C1orf21: variants seen among roughly 807,000 people sequenced by gnomAD.
C1orf21 encodes chromosome 1 open reading frame 21.
A neutral mutation model predicts 18.7 loss-of-function variants in C1orf21; 3 were observed. The ratio of observed to expected loss-of-function variants is 0.16; its 90% CI spans 0.07 to 0.42. The LOEUF (loss-of-function observed/expected upper bound fraction) is 0.42. C1orf21 is among the 10% of genes least tolerant of loss of function. The pLI, the probability that C1orf21 is intolerant of heterozygous loss-of-function variation, is 0.99. For synonymous variants in C1orf21, 41 were observed against 46.4 expected, an observed-to-expected ratio of 0.88 and a Z score of 0.47; for missense variants, 104 against 143.6, an observed-to-expected ratio of 0.72 and a Z score of 1.41.
rs530566686 is a variant in C1orf21 at position 184,617,148 on chromosome 1, A to T, written c.328-2370A>T. ...TTATTGACTACTTGCCAGACACTAT[A>T]TTTTTTTCCATTTAATCCTGACCAT... On this transcript the variant is annotated intron_variant, in intron 5 of 5. Transcript: ENST00000235307. 2.6e-5 allele frequency among the ~76,000 whole-genome samples: 4 copies of T among 152,208 alleles called. No individual in the cohort carries two copies. The South Asian group carries it at 8.3e-4, about 32-fold the overall frequency.
chr1:184,478,401 ATT>A (rs539994999), intron 2 of C1orf21, among the ~76,000 whole-genome samples: 2 of 151,904 alleles, frequency 1.3e-5, no homozygotes, highest in Non-Finnish European at 2.9e-5. Flanking sequence ...CTGCAAATAC[ATT>A]TTTTTTGCCC....
In C1orf21 at chr1:184,624,346, CT is replaced by C. The variant is rs2102016715; in HGVS notation, c.*4793del. On this transcript the variant is annotated 3_prime_UTR_variant, in exon 6 of 6. Transcript: ENST00000235307. ...GGACTTCAGTGCCCTGAGGAAAAGGCTTTGGGAATTTAGGCACACGTTTCTC... is the reference window on the plus strand; with the variant it reads ...GGACTTCAGTGCCCTGAGGAAAAGGCTTGGGAATTTAGGCACACGTTTCTC... 1 of 152,652 alleles carries C rather than the reference CT, an allele frequency of 6.6e-6. No individual in the cohort carries two copies. Among genetic ancestry groups the C allele is most frequent in the South Asian group, 2.1e-4 (1 of 4,816 alleles). The allele number at this position is 152,652 out of a possible 1,614,324, so 9.5% of individuals were successfully genotyped here.
chr1:184,410,800 C>T (rs938659447), intron 1 of C1orf21, among the ~76,000 whole-genome samples: 3 of 113,504 alleles, frequency 2.6e-5, no homozygotes, highest in Admixed American at 8.2e-5. Context: ...TCCTTACAGG[C>T]GCCTCCATGC....
intron 1 of C1orf21, among the ~76,000 whole-genome samples, chr1:184,464,019 G>C (rs963916866): frequency 6.6e-6 from 1 of 152,210 alleles, no homozygotes; most frequent in Non-Finnish European, 1.5e-5. Flanking sequence ...CAGAGAACAG[G>C]AAAGTACATA....
chr1:184,449,215 A>G (rs1657081345), intron 1 of C1orf21, among the ~76,000 whole-genome samples: 1 of 146,914 alleles, frequency 6.8e-6, no homozygotes, highest in Non-Finnish European at 1.5e-5. Flanking sequence ...CCACCCTACA[A>G]CAGGCCCCGG....
intron 3 of C1orf21, among the ~76,000 whole-genome samples, chr1:184,537,614 A>G (rs1353750638): frequency 2.6e-5 from 4 of 152,130 alleles, no homozygotes; most frequent in Non-Finnish European, 4.4e-5. Context: ...ACATGGGTGT[A>G]CAAGTATCTC....
intron 1 of C1orf21, among the ~76,000 whole-genome samples, chr1:184,399,704 C>G (rs1413367508): frequency 6.6e-6 from 1 of 152,128 alleles, no homozygotes. Context: ...CATGCCTTCT[C>G]GTTTCTTCTT....
chr1:184,409,189 TTAC>T (rs1233107447), intron 1 of C1orf21, among the ~76,000 whole-genome samples: 7 of 152,230 alleles, frequency 4.6e-5, no homozygotes, highest in African/African-American at 1.7e-4. Context: ...GGGTGGGATC[TTAC>T]TGTAGTTTCT....
intron 1 of C1orf21, among the ~76,000 whole-genome samples, chr1:184,435,066 T>C (rs1052191798): frequency 6.6e-6 from 1 of 152,078 alleles, no homozygotes; most frequent in Non-Finnish European, 1.5e-5. Context: ...TGGGAGCTGG[T>C]TGGATTAAAA....
chr1:184,411,605 A>G (rs937075695), intron 1 of C1orf21, among the ~76,000 whole-genome samples: 2 of 151,730 alleles, frequency 1.3e-5, no homozygotes, highest in African/African-American at 4.8e-5. Flanking sequence ...TGTATTTTTA[A>G]TAGAGACAGG....
chr1:184,430,904 C>A (rs1656751151), intron 1 of C1orf21, among the ~76,000 whole-genome samples: 1 of 152,162 alleles, frequency 6.6e-6, no homozygotes, highest in South Asian at 2.1e-4. Context: ...GATATTGATT[C>A]TTCCTATCCA....
chr1:184,500,695 A>G (rs1241665162), intron 2 of C1orf21, among the ~76,000 whole-genome samples: 2 of 152,126 alleles, frequency 1.3e-5, no homozygotes, highest in Non-Finnish European at 2.9e-5. Flanking sequence ...GTTGTAATTC[A>G]CTGGTGTGCT....
chr1:184,627,871 T>G lies in C1orf21; in HGVS notation c.*8315T>G, dbSNP rs886689674. ...TTGTTCATGGAATATAAGCCAAGTTTACCTCTCCCCATTTTCTGCCCTGGC... is the reference window on the plus strand; with the variant it reads ...TTGTTCATGGAATATAAGCCAAGTTGACCTCTCCCCATTTTCTGCCCTGGC... On this transcript the variant is annotated 3_prime_UTR_variant, in exon 6 of 6. Transcript: ENST00000235307. 6.6e-6 allele frequency: 1 copy of G among 152,234 alleles called. No individual in the cohort carries two copies. Among genetic ancestry groups the G allele is most frequent in the Non-Finnish European group, 1.5e-5 (1 of 68,054 alleles). 9.4% of individuals were successfully genotyped at this position (152,234 alleles called of 1,614,324 possible).
At chr1:184,600,875 G>A (rs901569432) in intron 5 of C1orf21, among the ~76,000 whole-genome samples, 8 of 152,068 alleles carry the variant, frequency 5.3e-5, no homozygotes, top group African/African-American at 1.7e-4. Context: ...CTTATGTGTC[G>A]TTTAAACATT....
chr1:184,475,505 A>C (rs1657555643), intron 1 of C1orf21, among the ~76,000 whole-genome samples: 1 of 152,076 alleles, frequency 6.6e-6, no homozygotes, highest in Non-Finnish European at 1.5e-5. Flanking sequence ...CAAAAATACT[A>C]CTTCTTTCCT....
At chr1:184,591,608 C>T (rs756435625) in intron 4 of C1orf21, among the ~76,000 whole-genome samples, 31 of 152,204 alleles carry the variant, frequency 2.0e-4, no homozygotes, top group Non-Finnish European at 2.6e-4. Context: ...AGATCGAGAC[C>T]ATCCTGGCTA....
intron 4 of C1orf21, among the ~76,000 whole-genome samples, chr1:184,596,595 C>T (rs1023326360): frequency 1.3e-4 from 20 of 152,076 alleles, no homozygotes; most frequent in African/African-American, 4.3e-4. Flanking sequence ...TCTGGCCAGG[C>T]GCAGTGGCTT....
chr1:184,482,834 G>A (rs1030845147), intron 2 of C1orf21, among the ~76,000 whole-genome samples: 3 of 152,086 alleles, frequency 2.0e-5, no homozygotes, highest in Non-Finnish European at 2.9e-5. Flanking sequence ...TTATACAAAT[G>A]GTAATTTCCA....
At chr1:184,585,615 C>T (rs1412207115) in intron 3 of C1orf21, among the ~76,000 whole-genome samples, 1 of 152,172 alleles carries the variant, frequency 6.6e-6, no homozygotes, top group Non-Finnish European at 1.5e-5. Context: ...TCCTCTCCCA[C>T]CTCCCACCTT....
Sources: gnomAD v4.1 joint callset for allele counts (sites outside exome capture counted in the v4.1 genomes callset) on GRCh38, gnomAD v4.1.1 for gene constraint, MANE v1.5 for transcripts, NCBI Gene and HGNC (gene_info 2026-07-23, HGNC 2026-07-21) for gene names.